ZSWIM4: variants seen among roughly 807,000 people sequenced by gnomAD.
ZSWIM4 encodes zinc finger SWIM-type containing 4.
ZSWIM4 carries 62 observed loss-of-function variants against 102.5 expected under a neutral mutation model. The observed-to-expected ratio is 0.60, with a 90% CI of 0.49 to 0.75. The LOEUF (loss-of-function observed/expected upper bound fraction) is 0.75, where lower values mean the gene tolerates loss of function less well. Ranked by LOEUF, ZSWIM4 falls within the 30% of genes least tolerant of loss-of-function variation. ZSWIM4 has a pLI of 0.00. For synonymous variants in ZSWIM4, 652 were observed against 674.5 expected, an observed-to-expected ratio of 0.97 and a Z score of 0.52; for missense variants, 1,280 against 1,529.6, an observed-to-expected ratio of 0.84 and a Z score of 2.72.
chr19:13,816,271 A>G (rs1489445134), intron 7 of ZSWIM4, among the ~76,000 whole-genome samples: 1 of 152,186 alleles, frequency 6.6e-6, no homozygotes, highest in Admixed American at 6.5e-5. Flanking sequence ...GCTTGGCAGC[A>G]TCAGTGAAAG....
intron 12 of ZSWIM4, 80 bp from the exon 13 acceptor site, chr19:13,828,565 G>A: frequency 7.9e-7 from 1 of 1,262,688 alleles, no homozygotes; most frequent in Middle Eastern, 1.9e-4. Context: ...GTGTTTCTGG[G>A]GTCCTCCATC....
intron 6 of ZSWIM4, 33 bp downstream of exon 6, chr19:13,813,197 A>G (rs1161079871): frequency 2.6e-6 from 4 of 1,558,462 alleles, no homozygotes; most frequent in East Asian, 2.3e-5. Context: ...ATGCCCCCCA[A>G]AAACCATCAC....
intron 10 of ZSWIM4, among the ~76,000 whole-genome samples, chr19:13,821,284 C>CAAA (rs796387107): frequency 3.2e-5 from 2 of 62,282 alleles, no homozygotes; most frequent in Non-Finnish European, 3.6e-5. Context: ...ACTCTGTCTC[C>CAAA]AAAAAAAAAA....
intron 10 of ZSWIM4, among the ~76,000 whole-genome samples, chr19:13,822,129 C>G (rs1363358056): frequency 2.0e-5 from 3 of 150,578 alleles, no homozygotes; most frequent in South Asian, 2.1e-4. Context: ...TCGCCTTGGC[C>G]CATCTCTTTA....
At position 13,825,162 on chromosome 19, in the gene ZSWIM4, C is replaced by G. The variant is rs1975572934; in HGVS notation, c.2216-388C>G. 6.6e-6 allele frequency among the ~76,000 whole-genome samples: 1 copy of G among 151,918 alleles called. No homozygotes were observed. Among genetic ancestry groups the G allele is most frequent in the African/African-American group, 2.4e-5 (1 of 41,334 alleles). ...TCAAGCGATTCTCGTGCCTCATCCT[C>G]CCAAGTAGCTGGGATTACAGGCACC... On this transcript the variant is annotated intron_variant, in intron 11 of 13. Transcript: ENST00000590508. The surrounding 1 kb of genome is among the most constrained non-coding windows in gnomAD (Gnocchi z 4.6).
rs370782130 is a variant in ZSWIM4 at position 13,809,262 on chromosome 19, G to A, written c.1012+42G>A. ...GGTGCGTGGTGGACACCGGGACTTC[G>A]GCTCCCATGGGGGCTGGCCCACTCC... On this transcript the variant is annotated intron_variant, in intron 5 of 13. Coordinates refer to ENST00000590508, the MANE Select transcript of ZSWIM4 (RefSeq NM_001367834.3). The surrounding 1 kb of genome is among the most constrained non-coding windows in gnomAD (Gnocchi z 4.2). 2.6e-5 allele frequency: 40 copies of A among 1,556,468 alleles called. No homozygotes were observed. Among genetic ancestry groups the A allele is most frequent in the Non-Finnish European group, 3.1e-5 (36 of 1,152,404 alleles).
In ZSWIM4 at chr19:13,805,009, G is replaced by A. The variant is rs764652622; in HGVS notation, c.573G>A (p.Thr191=). The change falls in exon 3 of 14, where the codon ACG becomes ACA. Residue 191 remains threonine (T), a synonymous_variant. Transcript: ENST00000590508. The part of the protein sequence containing the change: ...QVELRLPISE[T]LSQMNRDQLQ... ...AGCTGCGGCTGCCCATCTCCGAGAC[G>A]CTCTCCCAGATGAACCGGGACCAGC... The A allele has an allele frequency of 3.7e-6, 6 of 1,612,178 alleles. No individual in the cohort carries two copies. Among genetic ancestry groups the A allele is most frequent in the South Asian group, 2.2e-5 (2 of 91,090 alleles).
At position 13,830,876 on chromosome 19, in the gene ZSWIM4, G is replaced by A; in HGVS notation, c.3147G>A (p.Thr1049=). The A allele has an allele frequency of 6.2e-7, 1 of 1,614,116 alleles. No individual in the cohort carries two copies. The change falls in exon 14 of 14, where the codon ACG becomes ACA. Residue 1049 remains threonine, a synonymous_variant. Coordinates refer to ENST00000590508, the MANE Select transcript of ZSWIM4 (RefSeq NM_001367834.3). The part of the protein sequence containing the change: ...AYITTSHSRL[T]HISPRHYGDF... ...TCACCACCAGCCACTCGCGCCTCAC[G>A]CACATCAGCCCGCGGCACTATGGGG...
chr19:13,809,200 G>A lies in ZSWIM4; in HGVS notation c.992G>A (p.Arg331Gln), dbSNP rs568579834. The change falls in exon 5 of 14, where the codon CGG becomes CAG. Residue 331 changes from arginine to glutamine, a missense_variant. By Grantham distance (43) the Arg-to-Gln change is conservative (BLOSUM62 1). Coordinates refer to ENST00000590508, the MANE Select transcript of ZSWIM4 (RefSeq NM_001367834.3). The surrounding 1 kb of genome is among the most constrained non-coding windows in gnomAD (Gnocchi z 4.2). ...GGCGCGGGCATGACGGACAAGTGCC[G>A]GCAGCTCTGGGATGAGCTGGGTGAG... ...QQGAGMTDKC[R>Q]QLWDELGALW... is the part of the protein sequence containing the mutation. The A allele has an allele frequency of 6.2e-6, 10 of 1,608,638 alleles. No homozygotes were observed. In the South Asian group the frequency reaches 6.6e-5, roughly 11 times the overall value.
At position 13,795,727 on chromosome 19, in the gene ZSWIM4, C is replaced by G. The variant is rs534850044; in HGVS notation, c.79C>G (p.Arg27Gly). 98 of 1,216,144 alleles carry G rather than the reference C, an allele frequency of 8.1e-5. No homozygotes were observed. The East Asian group carries it at 2.8e-3, about 35-fold the overall frequency. The allele number at this position is 1,216,144 out of a possible 1,614,324, so 75.3% of individuals were successfully genotyped here. ...EERDAGAGAA[R>G]GRGRPEALLD... is the part of the protein sequence containing the mutation. ...GCGCGATGCCGGGGCCGGGGCCGCG[C>G]GTGGCCGGGGCCGGCCCGAGGCGCT... Residue 27 changes from arginine (R) to glycine (G), a missense_variant, in exon 1 of 14, where the codon CGT (arginine) becomes GGT (glycine). Coordinates refer to ENST00000590508, the MANE Select transcript of ZSWIM4 (RefSeq NM_001367834.3).
intron 2 of ZSWIM4, 144 bp downstream of exon 2, chr19:13,800,065 AT>A (rs71170569): frequency 0.15 from 56,588 of 379,722 alleles, 25 homozygotes; most frequent in Middle Eastern, 0.18. Flanking sequence ...ATTGTACAAG[AT>A]TTTTTTTTTT....
At chr19:13,815,329 T>TC (rs1040190293) in intron 7 of ZSWIM4, 3 of 151,946 alleles carry the variant, frequency 2.0e-5, no homozygotes, top group African/African-American at 7.3e-5. Flanking sequence ...CTAATTTTTT[T>TC]GTATTTTTAG....
intron 11 of ZSWIM4, among the ~76,000 whole-genome samples, chr19:13,824,275 T>C (rs1398928074): frequency 6.6e-6 from 1 of 152,158 alleles, no homozygotes; most frequent in Non-Finnish European, 1.5e-5. Context: ...CTAAACCTAA[T>C]TATTGGCTGG....
chr19:13,810,024 T>C (rs1975032765), intron 5 of ZSWIM4, among the ~76,000 whole-genome samples: 1 of 151,578 alleles, frequency 6.6e-6, no homozygotes, highest in Admixed American at 6.6e-5. Flanking sequence ...TCTCGCTCTG[T>C]CATCCAGGCT....
Position 13,819,477 on chromosome 19 carries a change from C to G in ZSWIM4, c.2045C>G (p.Ala682Gly). The G allele has an allele frequency of 6.2e-7, 1 of 1,602,330 alleles. No individual in the cohort carries two copies. Among genetic ancestry groups the G allele is most frequent in the Non-Finnish European group, 8.5e-7 (1 of 1,174,536 alleles). ...PHDPDLAYRLALRAMRLPILE... is the reference protein window; with the variant it reads ...PHDPDLAYRLGLRAMRLPILE... The stretch of plus-strand genomic sequence containing the variant: ...GACCCGGACCTGGCCTATCGCCTCG[C>G]GCTGCGAGCTATGAGGTGAGGATAG... The change falls in exon 10 of 14, where the codon GCG becomes GGG. Residue 682 changes from alanine to glycine, a missense_variant. Ala to Gly is a moderately conservative substitution (Grantham distance 60, BLOSUM62 0). Coordinates refer to ENST00000590508, the MANE Select transcript of ZSWIM4 (RefSeq NM_001367834.3).
At chr19:13,830,098 A>G in intron 13 of ZSWIM4, 93 bp from the exon 14 acceptor site, 1 of 1,465,248 alleles carries the variant, frequency 6.8e-7, no homozygotes, top group Non-Finnish European at 9.2e-7. Flanking sequence ...TGGAGGTGGA[A>G]GTGGAGGTGG....
At position 13,795,709 on chromosome 19, in the gene ZSWIM4, G is replaced by C; in HGVS notation, c.61G>C (p.Ala21Pro). ...CCCCGCGGGACCCGAGGAGCGCGATGCCGGGGCCGGGGCCGCGCGTGGCCG... is the reference window on the plus strand; with the variant it reads ...CCCCGCGGGACCCGAGGAGCGCGATCCCGGGGCCGGGGCCGCGCGTGGCCG... ...GCPAGPEERD[A>P]GAGAARGRGR... The change falls in exon 1 of 14, where the codon GCC (alanine) becomes CCC (proline). Residue 21 changes from alanine to proline, a missense_variant. Transcript: ENST00000590508. 1 of 1,188,100 alleles carries C rather than the reference G, an allele frequency of 8.4e-7. No homozygotes were observed. The highest frequency in any genetic ancestry group is 1.0e-6 in the Non-Finnish European group (1 of 953,500). The allele number at this position is 1,188,100 out of a possible 1,614,324, so 73.6% of individuals were successfully genotyped here. A position where few individuals can be genotyped will look rare whatever the true frequency, so the allele number is the denominator to read the frequency against.
At position 13,825,636 on chromosome 19, in the gene ZSWIM4, G is replaced by T; in HGVS notation, c.2302G>T (p.Ala768Ser). The change falls in exon 12 of 14, where the codon GCC (alanine) becomes TCC (serine). Residue 768 changes from alanine to serine, a missense_variant. Transcript: ENST00000590508. This position sits in a 1 kb window ranked among gnomAD's most constrained non-coding sequence, Gnocchi z 4.6. Reference protein sequence around the residue: ...PALLFKLAQDACKTATPVSAP... With the variant: ...PALLFKLAQDSCKTATPVSAP... ...CCTGCTCTTTAAGCTGGCGCAGGAC[G>T]CCTGCAAGACAGCCACCCCGGTCAG... 1.2e-6 allele frequency: 2 copies of T among 1,613,998 alleles called. No individual in the cohort carries two copies. The highest frequency in any genetic ancestry group is 1.1e-5 in the South Asian group (1 of 91,090).
chr19:13,805,114 C>A lies in ZSWIM4; in HGVS notation c.678C>A (p.Ile226=), dbSNP rs369955432. 1.2e-6 allele frequency: 2 copies of A among 1,600,552 alleles called. No homozygotes were observed. Among genetic ancestry groups the A allele is most frequent in the Non-Finnish European group, 8.5e-7 (1 of 1,179,160 alleles). ...LPTAQRLADE[I]LLLGSEINLV... ...CTGCTCAGCGCTTGGCTGATGAGAT[C>A]CTCCTGCTGGGCTCCGAGATCAACT... Residue 226 remains isoleucine, a synonymous_variant, in exon 3 of 14, where the codon ATC becomes ATA. Coordinates refer to ENST00000590508, the MANE Select transcript of ZSWIM4 (RefSeq NM_001367834.3).
Sources: allele counts gnomAD v4.1 joint callset (sites outside exome capture counted in the v4.1 genomes callset), GRCh38; gene constraint gnomAD v4.1.1; non-coding constraint Gnocchi (gnomAD v3.1); transcripts MANE v1.5; gene names NCBI Gene and HGNC (gene_info 2026-07-23, HGNC 2026-07-21).